Variants in SORCS2 observed in about 807,000 individuals in gnomAD.
SORCS2 encodes sortilin related VPS10 domain containing receptor 2.
SORCS2 carries 100 observed loss-of-function variants against 141.6 expected under a neutral mutation model. That is an observed-to-expected ratio of 0.71 (90% confidence interval 0.60 to 0.83). The LOEUF is 0.83. SORCS2 is among the 40% of genes least tolerant of loss of function. The pLI is 0.00. For synonymous variants in SORCS2, 789 were observed against 676.9 expected (o/e 1.17, Z -2.57); for missense variants, 1,646 against 1,560.2 (o/e 1.05, Z -0.93).
At chr4:7,451,652 G>A (rs1457993556) in intron 2 of SORCS2, among the ~76,000 whole-genome samples, 1 of 152,248 alleles carries the variant, frequency 6.6e-6, no homozygotes, top group Non-Finnish European at 1.5e-5. Context: ...GCACAGGTGG[G>A]GTTGAGACCC....
At chr4:7,421,343 C>T (rs1217609580) in intron 2 of SORCS2, among the ~76,000 whole-genome samples, 2 of 152,178 alleles carry the variant, frequency 1.3e-5, no homozygotes, top group African/African-American at 4.8e-5. Flanking sequence ...GGCTTGTGGA[C>T]CTGATAGATC....
intron 2 of SORCS2, among the ~76,000 whole-genome samples, chr4:7,417,489 A>AT (rs1236480451): frequency 6.6e-6 from 1 of 152,176 alleles, no homozygotes; most frequent in African/African-American, 2.4e-5. Flanking sequence ...TGGGAGAAGC[A>AT]TGGGCACCCT....
intron 2 of SORCS2, among the ~76,000 whole-genome samples, chr4:7,487,937 C>T (rs770446691): frequency 2.6e-5 from 4 of 152,112 alleles, no homozygotes; most frequent in Non-Finnish European, 4.4e-5. Context: ...TACAAAGGAA[C>T]GAAGGAAGCA....
intron 4 of SORCS2, among the ~76,000 whole-genome samples, chr4:7,649,750 G>T (rs979850148): frequency 6.6e-6 from 1 of 152,150 alleles, no homozygotes; most frequent in Admixed American, 6.5e-5. Context: ...GGCTGCACAG[G>T]GTTGGGCTTG....
chr4:7,334,428 C>CT (rs1356028888), intron 1 of SORCS2, among the ~76,000 whole-genome samples: 3 of 152,144 alleles, frequency 2.0e-5, no homozygotes, highest in Non-Finnish European at 4.4e-5. Flanking sequence ...CTGGTCCCCC[C>CT]TCCCATTCCT....
intron 1 of SORCS2, among the ~76,000 whole-genome samples, chr4:7,383,915 T>C (rs1723139636): frequency 6.6e-6 from 1 of 152,272 alleles, no homozygotes; most frequent in Non-Finnish European, 1.5e-5. Context: ...TATTAAAATA[T>C]ACATTATCCC....
At chr4:7,254,602 A>G (rs1469801367) in intron 1 of SORCS2, among the ~76,000 whole-genome samples, 1 of 152,196 alleles carries the variant, frequency 6.6e-6, no homozygotes, top group African/African-American at 2.4e-5. Flanking sequence ...TATACCATCT[A>G]TGTGTATAAC....
At chr4:7,695,336 ATGGATGGATGGATTGGTGGG>A (rs1724542649) in intron 11 of SORCS2, among the ~76,000 whole-genome samples, 1 of 23,952 alleles carries the variant, frequency 4.2e-5, no homozygotes, top group Non-Finnish European at 7.7e-5. Context: ...GGATGGATGG[ATGGATGGATGGATTGGTGGG>A]TGGATGGATG....
chr4:7,462,052 A>G (rs1453939971), intron 2 of SORCS2, among the ~76,000 whole-genome samples: 4 of 152,216 alleles, frequency 2.6e-5, no homozygotes, highest in African/African-American at 7.2e-5. Context: ...AACTGTCAAG[A>G]GAAGCCACAG....
intron 2 of SORCS2, among the ~76,000 whole-genome samples, chr4:7,456,866 T>C (rs1728945924): frequency 6.9e-6 from 1 of 144,200 alleles, no homozygotes; most frequent in African/African-American, 2.5e-5. Context: ...CACCCCACCC[T>C]ACCCTGGCAT....
intron 1 of SORCS2, among the ~76,000 whole-genome samples, chr4:7,326,666 G>C (rs954762277): frequency 6.6e-6 from 1 of 152,262 alleles, no homozygotes; most frequent in Non-Finnish European, 1.5e-5. Context: ...ACACCACAGT[G>C]ATGACAGCCT....
At chr4:7,248,237 G>A (rs1159844744) in intron 1 of SORCS2, among the ~76,000 whole-genome samples, 1 of 152,212 alleles carries the variant, frequency 6.6e-6, no homozygotes, top group Non-Finnish European at 1.5e-5. Flanking sequence ...GGGCTCAGCT[G>A]AGAGGCTGTG....
chr4:7,559,461 C>T (rs1440830803), intron 3 of SORCS2, among the ~76,000 whole-genome samples: 12 of 152,058 alleles, frequency 7.9e-5, no homozygotes, highest in East Asian at 1.9e-4. Flanking sequence ...TCGTGGAGGC[C>T]GACCCCGTTG....
At chr4:7,560,563 C>G (rs1209646187) in intron 3 of SORCS2, among the ~76,000 whole-genome samples, 1 of 152,076 alleles carries the variant, frequency 6.6e-6, no homozygotes, top group African/African-American at 2.4e-5. Context: ...TGTGCCAGCC[C>G]AAGATGCGCC....
chr4:7,277,407 G>T (rs1715573963), intron 1 of SORCS2, among the ~76,000 whole-genome samples: 1 of 152,278 alleles, frequency 6.6e-6, no homozygotes, highest in Middle Eastern at 3.4e-3. Flanking sequence ...TGTGTGTGCA[G>T]CTTCTCCTCA....
At chr4:7,269,350 C>T (rs931339848) in intron 1 of SORCS2, among the ~76,000 whole-genome samples, 12 of 152,330 alleles carry the variant, frequency 7.9e-5, no homozygotes, top group African/African-American at 2.2e-4. Context: ...CCATGACATG[C>T]GGCCAGGTGA....
chr4:7,725,082 G>T, intron 19 of SORCS2, 72 bp from the exon 20 acceptor site: 1 of 1,521,142 alleles, frequency 6.6e-7, no homozygotes. Flanking sequence ...TGGTGACAGT[G>T]ATCACTAAGC....
intron 1 of SORCS2, among the ~76,000 whole-genome samples, chr4:7,247,516 A>G (rs1169012448): frequency 6.6e-6 from 1 of 152,256 alleles, no homozygotes; most frequent in African/African-American, 2.4e-5. Context: ...ACGGCATCGT[A>G]AAACAAAGCA....
At chr4:7,724,234 A>G (rs1254047405) in intron 19 of SORCS2, among the ~76,000 whole-genome samples, 1 of 137,150 alleles carries the variant, frequency 7.3e-6, no homozygotes, top group Non-Finnish European at 1.6e-5. Context: ...TGGAGGTGGT[A>G]GTGATGATGG....
Sources: allele counts gnomAD v4.1 joint callset (sites outside exome capture counted in the v4.1 genomes callset), GRCh38; gene constraint gnomAD v4.1.1; transcripts MANE v1.5; gene names NCBI Gene and HGNC (gene_info 2026-07-23, HGNC 2026-07-21).